The following ADAMTS17 variants were observed in gnomAD, a reference collection of about 807,000 sequenced individuals.
The protein encoded by ADAMTS17 is A disintegrin and metalloproteinase with thrombospondin motifs 17.
A neutral mutation model predicts 141.5 loss-of-function variants in ADAMTS17; 113 were observed. That is an observed-to-expected ratio of 0.80 (90% CI 0.69 to 0.93). The LOEUF (loss-of-function observed/expected upper bound fraction) is 0.93, where lower values mean the gene tolerates loss of function less well. ADAMTS17 is among the 40% of genes least tolerant of loss of function. The pLI is 0.00. For synonymous variants in ADAMTS17, 768 were observed against 630.6 expected, an observed-to-expected ratio of 1.22 and a Z score of -3.27; for missense variants, 1,659 against 1,517.9, an observed-to-expected ratio of 1.09 and a Z score of -1.54.
chr15:100,258,490 A>G (rs4349128), intron 6 of ADAMTS17, among the ~76,000 whole-genome samples: 39,408 of 152,122 alleles, frequency 0.26, 5,788 homozygotes, highest in African/African-American at 0.39. Flanking sequence ...ATAGTTCCAC[A>G]TGGCTGGGGA....
chr15:100,078,771 T>C (rs1418072677), intron 15 of ADAMTS17, among the ~76,000 whole-genome samples: 3 of 151,868 alleles, frequency 2.0e-5, no homozygotes, highest in Middle Eastern at 3.2e-3. Flanking sequence ...ATCAAGAGAG[T>C]GAAAAGCCAA....
At chr15:100,005,113 T>C (rs889941014) in intron 18 of ADAMTS17, among the ~76,000 whole-genome samples, 5 of 152,170 alleles carry the variant, frequency 3.3e-5, no homozygotes, top group African/African-American at 1.2e-4. Context: ...GGGCACCCCT[T>C]CTCCTGATCC....
At chr15:100,117,626 T>A (rs2037220610) in intron 12 of ADAMTS17, among the ~76,000 whole-genome samples, 1 of 152,098 alleles carries the variant, frequency 6.6e-6, no homozygotes, top group Admixed American at 6.6e-5. Flanking sequence ...GTGCTGAGGC[T>A]GGGGTTTTAA....
In ADAMTS17 at chr15:100,150,333, T is replaced by A. The variant is rs114615080; in HGVS notation, c.1473+2279A>T. Among the ~76,000 whole-genome samples the A allele has an allele frequency of 6.3e-3, 961 of 152,270 alleles. 13 individuals are homozygous for A. The highest frequency in any genetic ancestry group is 0.022 in the African/African-American group (918 of 41,566). ...TGCCTCCTCTCTTTGGGGTCTATCTTTGAATGACAGTAGCTTTCCTTTCCT... is the reference window on the plus strand; with the variant it reads ...TGCCTCCTCTCTTTGGGGTCTATCTATGAATGACAGTAGCTTTCCTTTCCT... On this transcript the variant is annotated intron_variant, in intron 10 of 21. Coordinates refer to ENST00000268070, the MANE Select transcript of ADAMTS17 (RefSeq NM_139057.4).
chr15:100,300,607 A>G (rs754746870), intron 3 of ADAMTS17, among the ~76,000 whole-genome samples: 8 of 152,230 alleles, frequency 5.3e-5, no homozygotes, highest in Non-Finnish European at 1.2e-4. Flanking sequence ...AAACCAGCCA[A>G]GAGTAGAGAG....
At chr15:100,153,524 G>C (rs66905224) in intron 9 of ADAMTS17, among the ~76,000 whole-genome samples, 20,351 of 152,050 alleles carry the variant, frequency 0.13, 2,788 homozygotes, top group African/African-American at 0.32. Flanking sequence ...CCCACCTGTA[G>C]TCCCAGCTAA....
intron 7 of ADAMTS17, among the ~76,000 whole-genome samples, chr15:100,201,160 G>T (rs972844303): frequency 3.3e-5 from 5 of 152,198 alleles, no homozygotes; most frequent in African/African-American, 7.2e-5. Context: ...GATGTGGTGT[G>T]GCTCTGTGTC....
chr15:100,116,941 GGGGCA>G lies in ADAMTS17; in HGVS notation c.1789_1793del (p.Cys597GlnfsTer31), dbSNP rs1290912155. The G allele has an allele frequency of 6.2e-7, 1 of 1,614,130 alleles. No homozygotes were observed. The highest frequency in any genetic ancestry group is 1.1e-5 in the South Asian group (1 of 91,080). ...GGTCCCGGAAGCTGGGCAGACCCTT[GGGGCA>G]GGGCAGGTTCTCGCAGACCGCATGT... On this transcript the variant is annotated frameshift_variant, in exon 13 of 22. Coordinates refer to ENST00000268070, the MANE Select transcript of ADAMTS17 (RefSeq NM_139057.4). LOFTEE classifies it high-confidence loss of function.
At chr15:100,204,594 AG>A (rs2041460631) in intron 7 of ADAMTS17, among the ~76,000 whole-genome samples, 1 of 152,262 alleles carries the variant, frequency 6.6e-6, no homozygotes, top group South Asian at 2.1e-4. Context: ...GGAATAAAAA[AG>A]TTGGACCCCT....
intron 2 of ADAMTS17, among the ~76,000 whole-genome samples, chr15:100,331,442 C>T (rs2046050939): frequency 6.6e-6 from 1 of 151,996 alleles, no homozygotes; most frequent in Admixed American, 6.5e-5. Flanking sequence ...CATTTGTATC[C>T]CTAATGGAAA....
chr15:100,243,080 T>C (rs1262067505), intron 7 of ADAMTS17, among the ~76,000 whole-genome samples: 1 of 152,238 alleles, frequency 6.6e-6, no homozygotes, highest in African/African-American at 2.4e-5. Flanking sequence ...TCATTCACTA[T>C]TCATCCTTTT....
chr15:100,009,077 C>T (rs906139989), intron 18 of ADAMTS17, among the ~76,000 whole-genome samples: 1 of 152,052 alleles, frequency 6.6e-6, no homozygotes, highest in African/African-American at 2.4e-5. Flanking sequence ...TGGGATCAAG[C>T]GATCCTCCCT....
At position 100,133,259 on chromosome 15, in the gene ADAMTS17, G is replaced by T. The variant is rs1299861961; in HGVS notation, c.1530C>A (p.Thr510=). 1.2e-6 allele frequency: 2 copies of T among 1,600,208 alleles called. No homozygotes were observed. Among genetic ancestry groups the T allele is most frequent in the African/African-American group, 2.7e-5 (2 of 74,900 alleles). Residue 510 remains threonine (T), a synonymous_variant, in exon 11 of 22, where the codon ACC becomes ACA. Transcript: ENST00000268070. ...TGCCATCCAGGGGAGGGTCCAGCTTGGTCTTGCAGGATGTGTCTCCTTCTA... is the reference window on the plus strand; with the variant it reads ...TGCCATCCAGGGGAGGGTCCAGCTTTGTCTTGCAGGATGTGTCTCCTTCTA... ...CLVEGDTSCK[T]KLDPPLDGTE...
chr15:100,322,835 C>A (rs1224720042), intron 3 of ADAMTS17, among the ~76,000 whole-genome samples: 9 of 152,126 alleles, frequency 5.9e-5, no homozygotes, highest in African/African-American at 1.9e-4. Context: ...CACCTGTAAT[C>A]CCAGCACTTT....
chr15:100,040,975 T>C (rs1316696418), intron 18 of ADAMTS17, among the ~76,000 whole-genome samples: 1 of 152,184 alleles, frequency 6.6e-6, no homozygotes, highest in African/African-American at 2.4e-5. Context: ...TAGCAAGAAA[T>C]TGATTAAAAA....
intron 15 of ADAMTS17, among the ~76,000 whole-genome samples, chr15:100,093,815 G>A (rs764050972): frequency 2.6e-5 from 4 of 152,088 alleles, no homozygotes; most frequent in Non-Finnish European, 4.4e-5. Flanking sequence ...CTGGGGTGGG[G>A]ACAATAACTT....
At chr15:100,263,574 G>A (rs1378060169) in intron 4 of ADAMTS17, among the ~76,000 whole-genome samples, 2 of 152,180 alleles carry the variant, frequency 1.3e-5, no homozygotes, top group African/African-American at 4.8e-5. Context: ...AGGCGAAGGA[G>A]TCAAAGTTGA....
In ADAMTS17 at chr15:100,341,918, C is replaced by A. The variant is rs919857797; in HGVS notation, c.-19G>T. On this transcript the variant is annotated 5_prime_UTR_variant, in exon 1 of 22. Transcript: ENST00000268070. ...CACACATGGTACCCGGGACCGGCAG[C>A]CCCCCCGGACCGTGGCGGCGAAGCA... 7.8e-7 allele frequency: 1 copy of A among 1,276,920 alleles called. No homozygotes were observed. The highest frequency in any genetic ancestry group is 2.3e-5 in the African/African-American group (1 of 42,708). 79.1% of individuals were successfully genotyped at this position (1,276,920 alleles called of 1,614,324 possible).
intron 15 of ADAMTS17, among the ~76,000 whole-genome samples, chr15:100,084,887 T>C (rs1421316686): frequency 6.6e-6 from 1 of 151,842 alleles, no homozygotes; most frequent in East Asian, 1.9e-4. Flanking sequence ...ACCACCAACA[T>C]GGGGAAAAAA....
Sources: allele counts gnomAD v4.1 joint callset (sites outside exome capture counted in the v4.1 genomes callset), GRCh38; gene constraint gnomAD v4.1.1; transcripts MANE v1.5; gene names NCBI Gene and HGNC (gene_info 2026-07-23, HGNC 2026-07-21).